Variants in ITPK1 observed in about 807,000 individuals in gnomAD.
The protein encoded by ITPK1 is inositol 1,3,4-trisphosphate 5/6-kinase.
In ITPK1, 21 loss-of-function variants were observed where a neutral mutation model predicts 45.3. The observed-to-expected ratio is 0.46, with a 90% CI of 0.33 to 0.67. ITPK1 has a LOEUF of 0.67. Among genes scored for constraint, ITPK1 ranks in the 30% least tolerant of loss-of-function variants. The pLI is 0.02. For synonymous variants in ITPK1, 258 were observed against 253.6 expected, an observed-to-expected ratio of 1.02 and a Z score of -0.16; for missense variants, 474 against 573.5, an observed-to-expected ratio of 0.83 and a Z score of 1.77.
chr14:93,112,254 G>A (rs750013149), intron 2 of ITPK1, among the ~76,000 whole-genome samples: 10 of 152,066 alleles, frequency 6.6e-5, no homozygotes, highest in African/African-American at 9.7e-5. Context: ...CCAAGAGTCC[G>A]GAACCTGCCC....
chr14:93,062,031 G>C (rs1002460709), intron 3 of ITPK1, among the ~76,000 whole-genome samples: 1 of 152,364 alleles, frequency 6.6e-6, no homozygotes, highest in African/African-American at 2.4e-5. Flanking sequence ...AACACTTTTA[G>C]AAGCCGAGGC....
intron 2 of ITPK1, among the ~76,000 whole-genome samples, chr14:93,085,680 G>A (rs898184685): frequency 4.6e-5 from 7 of 152,160 alleles, no homozygotes; most frequent in African/African-American, 1.4e-4. Flanking sequence ...GCAAGGCAGT[G>A]TTCTGCCACA....
intron 4 of ITPK1, among the ~76,000 whole-genome samples, chr14:93,010,801 A>G (rs903274398): frequency 1.3e-5 from 2 of 152,190 alleles, no homozygotes; most frequent in African/African-American, 4.8e-5. Flanking sequence ...CGTACGCATC[A>G]TCACACCCCA....
chr14:93,084,573 C>G (rs190148893), intron 2 of ITPK1, among the ~76,000 whole-genome samples: 4 of 152,082 alleles, frequency 2.6e-5, no homozygotes, highest in African/African-American at 9.7e-5. Context: ...GCCAGCCTTT[C>G]GACACTACTT....
chr14:92,991,529 C>T (rs1341672821), intron 5 of ITPK1, among the ~76,000 whole-genome samples: 1 of 152,150 alleles, frequency 6.6e-6, no homozygotes, highest in Non-Finnish European at 1.5e-5. Flanking sequence ...CAGCTCTCCC[C>T]TTATGGGTAG....
chr14:93,066,700 A>G (rs1267569942), intron 3 of ITPK1, among the ~76,000 whole-genome samples: 2 of 152,008 alleles, frequency 1.3e-5, no homozygotes, highest in African/African-American at 4.8e-5. Context: ...CACTGCACCC[A>G]CCTGACATTT....
At position 92,963,193 on chromosome 14, in the gene ITPK1, C is replaced by T. The variant is rs72704293; in HGVS notation, c.365-344G>A. ...CACGCGTACATTTACACGCAGAGAG[C>T]TGTACAAATTTTGTAACCTGAATCC... On this transcript the variant is annotated intron_variant, in intron 5 of 10. Coordinates refer to ENST00000267615, the MANE Select transcript of ITPK1 (RefSeq NM_014216.6). 4.1e-3 allele frequency among the ~76,000 whole-genome samples: 620 copies of T among 152,340 alleles called. 2 individuals are homozygous for T. The highest frequency in any genetic ancestry group is 6.4e-3 in the Non-Finnish European group (436 of 68,040).
chr14:92,945,714 C>T (rs1241833830), intron 10 of ITPK1, among the ~76,000 whole-genome samples: 1 of 152,228 alleles, frequency 6.6e-6, no homozygotes, highest in Non-Finnish European at 1.5e-5. Flanking sequence ...TGGGGCTCTG[C>T]TCCTGCGGTC....
At chr14:92,998,602 G>A (rs1488641141) in intron 4 of ITPK1, among the ~76,000 whole-genome samples, 2 of 152,206 alleles carry the variant, frequency 1.3e-5, no homozygotes, top group East Asian at 1.9e-4. Flanking sequence ...GACGCATGAG[G>A]CTGGGAGGTG....
At position 93,096,078 on chromosome 14, in the gene ITPK1, C is replaced by T. The variant is rs545632908; in HGVS notation, c.95+18991G>A. Among the ~76,000 whole-genome samples, 5 of 152,302 alleles carry T rather than the reference C, an allele frequency of 3.3e-5. No homozygotes were observed. The South Asian group carries it at 8.3e-4, about 25-fold the overall frequency. ...AAACCTGGCCCTGCCTGCTTCCTCACGGCCCTGTCCTCCCAGGCCTTGCCC... is the reference window on the plus strand; with the variant it reads ...AAACCTGGCCCTGCCTGCTTCCTCATGGCCCTGTCCTCCCAGGCCTTGCCC... On this transcript the variant is annotated intron_variant, in intron 2 of 10. Transcript: ENST00000267615.
chr14:92,960,266 C>T (rs1884998310), intron 7 of ITPK1, among the ~76,000 whole-genome samples: 1 of 152,160 alleles, frequency 6.6e-6, no homozygotes, highest in Non-Finnish European at 1.5e-5. Context: ...CCTGAGCGTG[C>T]TGACCCCATA....
chr14:93,034,722 A>C lies in ITPK1; in HGVS notation c.121-17921T>G, dbSNP rs2144778. ...TGAGATGGAAGCGGCAGCTGTGCCC[A>C]CTGAGGGAGGGTGAAGAAGCCAGTT... is the stretch of plus-strand genomic sequence containing the variant. On this transcript the variant is annotated intron_variant, in intron 3 of 10. Transcript: ENST00000267615. This position sits in a 1 kb window ranked among gnomAD's most constrained non-coding sequence, Gnocchi z 4.1. Among the ~76,000 whole-genome samples, 4,178 of 152,340 alleles carry C rather than the reference A, an allele frequency of 0.027. 98 individuals carry two copies. The highest frequency in any genetic ancestry group is 0.085 in the Admixed American group (1,303 of 15,310).
At chr14:92,971,018 C>T (rs67182772) in intron 5 of ITPK1, among the ~76,000 whole-genome samples, 31,304 of 152,084 alleles carry the variant, frequency 0.21, 3,538 homozygotes, top group East Asian at 0.32. Context: ...CAGCCCCACA[C>T]GCCCTTTCTT....
At chr14:93,013,086 G>A (rs1056555957) in intron 4 of ITPK1, among the ~76,000 whole-genome samples, 2 of 152,186 alleles carry the variant, frequency 1.3e-5, no homozygotes, top group South Asian at 2.1e-4. Context: ...GGACCCTCTC[G>A]GCATGCCGGC....
rs1338363295 is a variant in ITPK1, at chr14:93,032,880, G to A, written c.121-16079C>T. Among the ~76,000 whole-genome samples, 1 of 152,200 alleles carries A rather than the reference G, an allele frequency of 6.6e-6. No individual in the cohort carries two copies. The highest frequency in any genetic ancestry group is 1.5e-5 in the Non-Finnish European group (1 of 68,012). The stretch of plus-strand genomic sequence containing the variant: ...GACAAAGGCCAGCACGGATCGGATC[G>A]TGCACCCTGCAAAGCCAGCCCTTTT... On this transcript the variant is annotated intron_variant, in intron 3 of 10. Coordinates refer to ENST00000267615, the MANE Select transcript of ITPK1 (RefSeq NM_014216.6). The surrounding 1 kb of genome is among the most constrained non-coding windows in gnomAD (Gnocchi z 4.0).
intron 8 of ITPK1, among the ~76,000 whole-genome samples, chr14:92,956,499 A>G (rs759554042): frequency 6.6e-6 from 1 of 152,146 alleles, no homozygotes; most frequent in African/African-American, 2.4e-5. Flanking sequence ...ACAGGCAAGG[A>G]GTCCTCGTCC....
chr14:92,961,600 G>A (rs1680309807), intron 7 of ITPK1, among the ~76,000 whole-genome samples: 1 of 152,196 alleles, frequency 6.6e-6, no homozygotes, highest in South Asian at 2.1e-4. Flanking sequence ...CAGCCCTCAT[G>A]TGGGCCCAGC....
intron 3 of ITPK1, among the ~76,000 whole-genome samples, chr14:93,027,113 C>T (rs1384994392): frequency 6.8e-6 from 1 of 147,990 alleles, no homozygotes; most frequent in South Asian, 2.1e-4. Flanking sequence ...TGGATATGCA[C>T]AGAGTATCTT....
At chr14:93,071,150 C>A (rs1315942121) in intron 3 of ITPK1, 1 of 154,018 alleles carries the variant, frequency 6.5e-6, no homozygotes, top group African/African-American at 2.4e-5. Flanking sequence ...GGTCCTGGCT[C>A]CCCTGCAACT....
Sources: allele counts gnomAD v4.1 joint callset (sites outside exome capture counted in the v4.1 genomes callset), GRCh38; gene constraint gnomAD v4.1.1; non-coding constraint Gnocchi (gnomAD v3.1); transcripts MANE v1.5; gene names NCBI Gene and HGNC (gene_info 2026-07-23, HGNC 2026-07-21).